Variants in SLCO4A1 observed in about 807,000 individuals in gnomAD.
SLCO4A1 encodes the protein solute carrier organic anion transporter family member 4A1, also known as colon organic anion transporter.
SLCO4A1 carries 51 observed loss-of-function variants against 64.6 expected under a neutral mutation model. The observed-to-expected ratio is 0.79, with a 90% CI of 0.63 to 1.00. The LOEUF is 1.00. Among genes scored for constraint, SLCO4A1 ranks in the 50% least tolerant of loss-of-function variants. SLCO4A1 has a pLI of 0.00. For missense variants in SLCO4A1, 919 were observed against 980.5 expected (o/e 0.94, Z 0.84); for synonymous variants, 471 against 444.9 (o/e 1.06, Z -0.74).
At chr20:62,657,345 C>A in intron 2 of SLCO4A1, 95 bp downstream of exon 2, 1 of 1,154,620 alleles carries the variant, frequency 8.7e-7, no homozygotes, top group South Asian at 1.5e-5. Flanking sequence ...CCGCCCCCTG[C>A]CTTCGTGTAC....
intron 2 of SLCO4A1, among the ~76,000 whole-genome samples, chr20:62,658,263 G>A (rs910845116): frequency 5.3e-5 from 8 of 152,234 alleles, no homozygotes; most frequent in Admixed American, 1.3e-4. Context: ...GCGAGGGGAC[G>A]TCCCACCACA....
downstream of SLCO4A1, among the ~76,000 whole-genome samples, chr20:62,687,366 G>C (rs1215931115): frequency 6.6e-6 from 1 of 152,264 alleles, no homozygotes; most frequent in Middle Eastern, 3.4e-3. Flanking sequence ...GGCATGTGGA[G>C]GAAGAGCCAT....
At chr20:62,668,371 G>T (rs1986768306) in intron 9 of SLCO4A1, 106 bp from the exon 10 acceptor site, 1 of 1,315,842 alleles carries the variant, frequency 7.6e-7, no homozygotes, top group Non-Finnish European at 1.1e-6. Flanking sequence ...CTTGGGGGGG[G>T]GTGATGATGT....
At chr20:62,666,733 G>GGCA in intron 7 of SLCO4A1, 158 bp downstream of exon 7, 1 of 659,244 alleles carries the variant, frequency 1.5e-6, no homozygotes, top group Middle Eastern at 4.2e-4. Flanking sequence ...CAGGGCACCC[G>GGCA]GCAGCATCCA....
At position 62,644,334 on chromosome 20, in the gene SLCO4A1, G is replaced by A. The variant is rs1211843675; in HGVS notation, c.-97+1781G>A. Among the ~76,000 whole-genome samples, 1 of 152,262 alleles carries A rather than the reference G, an allele frequency of 6.6e-6. No homozygotes were observed. The highest frequency in any genetic ancestry group is 2.4e-5 in the African/African-American group (1 of 41,480). ...GGGCAAGGTCAGCAGGTGGTGCCTG[G>A]AAAATTCTTCATGAGGGAGCTTCCC... On this transcript the variant is annotated intron_variant, in intron 1 of 11. Transcript: ENST00000217159. The surrounding 1 kb of genome is among the most constrained non-coding windows in gnomAD (Gnocchi z 5.4).
chr20:62,664,834 C>A, intron 5 of SLCO4A1, 100 bp from the exon 6 acceptor site: 1 of 1,326,990 alleles, frequency 7.5e-7, no homozygotes, highest in Non-Finnish European at 1.0e-6. Context: ...ACACCCCGAC[C>A]TCTGCCCACC....
intron 1 of SLCO4A1, chr20:62,648,922 G>T (rs1981920728): frequency 6.6e-6 from 1 of 152,302 alleles, no homozygotes; most frequent in South Asian, 2.1e-4. Flanking sequence ...TGAAGCCCAG[G>T]TTTCCCACAT....
chr20:62,651,168 C>G (rs1484122467), intron 1 of SLCO4A1: 1 of 152,286 alleles, frequency 6.6e-6, no homozygotes, highest in Non-Finnish European at 1.5e-5. Flanking sequence ...TTTATGTTTG[C>G]TCCTGTTGTC....
Position 62,661,281 on chromosome 20 carries a change from C to G in SLCO4A1, c.1121+106C>G. 1.3e-6 allele frequency: 1 copy of G among 784,406 alleles called. No individual in the cohort carries two copies. Among genetic ancestry groups the G allele is most frequent in the South Asian group, 1.5e-5 (1 of 68,580 alleles). 48.6% of individuals were successfully genotyped at this position (784,406 alleles called of 1,614,324 possible). A position where few individuals can be genotyped will look rare whatever the true frequency, so the allele number is the denominator to read the frequency against. ...TCCGGGATCATGATGGGGACGCAGC[C>G]CCTAACCTCTGTCGTGACCCTGGGC... On this transcript the variant is annotated intron_variant, in intron 5 of 11. Coordinates refer to ENST00000217159, the MANE Select transcript of SLCO4A1 (RefSeq NM_016354.4). The surrounding 1 kb of genome is among the most constrained non-coding windows in gnomAD (Gnocchi z 5.2).
In SLCO4A1 at chr20:62,656,362, A is replaced by C. The variant is rs933493600; in HGVS notation, c.-93A>C. 13 of 1,092,040 alleles carry C rather than the reference A, an allele frequency of 1.2e-5. No individual in the cohort carries two copies. The highest frequency in any genetic ancestry group is 2.8e-4 in the Middle Eastern group (1 of 3,594). The allele number at this position is 1,092,040 out of a possible 1,614,324, so 67.6% of individuals were successfully genotyped here. Reference sequence around the variant, plus strand: ...TAACCAGACATTCTTCTCACAGGACACACCAGCCCCTCGGATACCACTTGG... The same window carrying C: ...TAACCAGACATTCTTCTCACAGGACCCACCAGCCCCTCGGATACCACTTGG... On this transcript the variant is annotated 5_prime_UTR_variant, in exon 2 of 12. Transcript: ENST00000217159.
chr20:62,689,223 C>T (rs997955810), downstream of SLCO4A1, among the ~76,000 whole-genome samples: 12 of 150,688 alleles, frequency 8.0e-5, no homozygotes, highest in Admixed American at 3.9e-4. Flanking sequence ...GGCTGTGCCC[C>T]GTGCCTCGCA....
At chr20:62,677,650 C>T (rs1376686139) in intron 2 of SLCO4A1, among the ~76,000 whole-genome samples, 1 of 152,278 alleles carries the variant, frequency 6.6e-6, no homozygotes, top group Non-Finnish European at 1.5e-5. Context: ...ACAACGGCCA[C>T]AATATGTCCC....
chr20:62,659,312 G>A (rs1035069869), intron 3 of SLCO4A1, among the ~76,000 whole-genome samples: 6 of 151,990 alleles, frequency 3.9e-5, no homozygotes, highest in South Asian at 2.1e-4. Flanking sequence ...CTTGCTGACC[G>A]CCAGTGCTCT....
downstream of SLCO4A1, among the ~76,000 whole-genome samples, chr20:62,689,194 G>T (rs370272317): frequency 1.3e-5 from 2 of 151,792 alleles, no homozygotes; most frequent in African/African-American, 4.8e-5. Flanking sequence ...TGTGCCCCGC[G>T]CCTCATAGGC....
intron 1 of SLCO4A1, among the ~76,000 whole-genome samples, chr20:62,652,466 C>T (rs1038382641): frequency 6.6e-6 from 1 of 152,186 alleles, no homozygotes; most frequent in African/African-American, 2.4e-5. Flanking sequence ...CGCCCCGGGG[C>T]TCTTGCTCCT....
Position 62,657,176 on chromosome 20 carries a change from C to T in SLCO4A1, c.722C>T (p.Ala241Val). Reference protein sequence around the residue: ...MLGQFLHGVGATPLYTLGVTY... With the variant: ...MLGQFLHGVGVTPLYTLGVTY... Reference sequence around the variant, plus strand: ...GGCCAGTTCCTGCATGGCGTGGGTGCCACACCCCTCTACACGCTGGGCGTC... The same window carrying T: ...GGCCAGTTCCTGCATGGCGTGGGTGTCACACCCCTCTACACGCTGGGCGTC... Residue 241 changes from alanine (A) to valine (V), a missense_variant, in exon 2 of 12, where the codon GCC (alanine) becomes GTC (valine). Physicochemically the swap from Ala to Val is moderately conservative, Grantham distance 64 (BLOSUM62 0). Transcript: ENST00000217159. 1 of 1,554,914 alleles carries T rather than the reference C, an allele frequency of 6.4e-7. No homozygotes were observed. The highest frequency in any genetic ancestry group is 8.7e-7 in the Non-Finnish European group (1 of 1,150,122).
intron 2 of SLCO4A1, among the ~76,000 whole-genome samples, chr20:62,657,539 C>A (rs189287757): frequency 1.3e-5 from 2 of 152,370 alleles, no homozygotes; most frequent in Admixed American, 1.3e-4. Flanking sequence ...CTTGCCAGGA[C>A]CAAGGGGCAC....
chr20:62,653,170 A>G (rs1051011483), intron 1 of SLCO4A1, among the ~76,000 whole-genome samples: 1 of 152,240 alleles, frequency 6.6e-6, no homozygotes, highest in Non-Finnish European at 1.5e-5. Context: ...GGGCTGAGGC[A>G]TCCATTCGCT....
At chr20:62,670,763 C>G (rs1157818809) in intron 11 of SLCO4A1, among the ~76,000 whole-genome samples, 1 of 152,242 alleles carries the variant, frequency 6.6e-6, no homozygotes, top group Admixed American at 6.5e-5. Flanking sequence ...CAGAGTTGGC[C>G]TCAGCAGCGC....
Sources: allele counts gnomAD v4.1 joint callset (sites outside exome capture counted in the v4.1 genomes callset), GRCh38; gene constraint gnomAD v4.1.1; non-coding constraint Gnocchi (gnomAD v3.1); transcripts MANE v1.5; gene names NCBI Gene and HGNC (gene_info 2026-07-23, HGNC 2026-07-21).